ANKS1A: variants seen among roughly 807,000 people sequenced by gnomAD.
ANKS1A encodes the protein ankyrin repeat and SAM domain-containing protein 1A.
ANKS1A carries 55 observed loss-of-function variants against 120.3 expected under a neutral mutation model. That is an observed-to-expected ratio of 0.46 (90% confidence interval 0.37 to 0.57). ANKS1A has a LOEUF of 0.57. Among genes scored for constraint, ANKS1A ranks in the 20% least tolerant of loss-of-function variants. The pLI, the probability that ANKS1A is intolerant of heterozygous loss-of-function variation, is 0.00. For synonymous variants in ANKS1A, 590 were observed against 604.7 expected (o/e 0.98, Z 0.36); for missense variants, 1,123 against 1,480.3 (o/e 0.76, Z 3.96).
chr6:34,986,983 G>T (rs1772245425), intron 8 of ANKS1A, among the ~76,000 whole-genome samples: 1 of 152,258 alleles, frequency 6.6e-6, no homozygotes, highest in Non-Finnish European at 1.5e-5. Flanking sequence ...CAGGGTTACT[G>T]AAGAAAGCTG....
chr6:35,076,932 A>AT (rs2127603907), intron 13 of ANKS1A, among the ~76,000 whole-genome samples: 1 of 152,248 alleles, frequency 6.6e-6, no homozygotes, highest in South Asian at 2.1e-4. Context: ...GCCTGGCCAC[A>AT]ATAGTCCCTA....
chr6:34,966,610 G>A (rs192533531), intron 1 of ANKS1A, among the ~76,000 whole-genome samples: 2 of 152,296 alleles, frequency 1.3e-5, no homozygotes, highest in Admixed American at 1.3e-4. Flanking sequence ...AATGCAGTAA[G>A]GCCAATGCAG....
At chr6:35,078,917 G>T (rs1490277163) in intron 14 of ANKS1A, among the ~76,000 whole-genome samples, 1 of 152,218 alleles carries the variant, frequency 6.6e-6, no homozygotes, top group Non-Finnish European at 1.5e-5. Context: ...GGTTCTGGGG[G>T]TCTGCCTGGC....
chr6:35,076,113 C>T (rs1009745536), intron 13 of ANKS1A, among the ~76,000 whole-genome samples: 3 of 152,112 alleles, frequency 2.0e-5, no homozygotes, highest in East Asian at 3.9e-4. Context: ...CAGAAAAGAC[C>T]GACAACTTCA....
rs549612521 is a variant in ANKS1A, at chr6:34,917,122, C to T, written c.197+27523C>T. ...TCCTTTATTTGGTCCACCACTAATC[C>T]TATCCCAGCATCCTGTGTAGGCCTC... On this transcript the variant is annotated intron_variant, in intron 1 of 23. Transcript: ENST00000360359. 2.6e-5 allele frequency among the ~76,000 whole-genome samples: 4 copies of T among 152,326 alleles called. No individual in the cohort carries two copies. In the South Asian group the frequency reaches 8.3e-4, roughly 32 times the overall value.
intron 14 of ANKS1A, among the ~76,000 whole-genome samples, chr6:35,078,997 G>A (rs539017914): frequency 6.6e-6 from 1 of 152,278 alleles, no homozygotes; most frequent in East Asian, 1.9e-4. Context: ...TGGCTCACTG[G>A]AGCCCTGGCC....
chr6:35,040,644 T>C (rs1175559208), intron 11 of ANKS1A, among the ~76,000 whole-genome samples: 4 of 152,214 alleles, frequency 2.6e-5, no homozygotes, highest in Non-Finnish European at 4.4e-5. Flanking sequence ...AAGGCTCTTA[T>C]TGATCATTTC....
chr6:34,936,968 C>G (rs1769286115), intron 1 of ANKS1A, among the ~76,000 whole-genome samples: 1 of 152,140 alleles, frequency 6.6e-6, no homozygotes, highest in Admixed American at 6.6e-5. Context: ...TGTAGGTGGA[C>G]CTTGATCTCA....
intron 10 of ANKS1A, among the ~76,000 whole-genome samples, chr6:35,011,235 A>T (rs1048435310): frequency 1.3e-5 from 2 of 152,216 alleles, no homozygotes; most frequent in Non-Finnish European, 2.9e-5. Context: ...TTTCTTGAGT[A>T]TTTAAAAGGG....
intron 11 of ANKS1A, among the ~76,000 whole-genome samples, chr6:35,036,287 TACTC>T (rs777839780): frequency 5.3e-4 from 81 of 152,360 alleles, no homozygotes; most frequent in Middle Eastern, 3.4e-3. Flanking sequence ...TCTAGGATCT[TACTC>T]ACGTTTGACT....
At chr6:34,896,683 G>T (rs1286165981) in intron 1 of ANKS1A, among the ~76,000 whole-genome samples, 2 of 152,036 alleles carry the variant, frequency 1.3e-5, no homozygotes, top group African/African-American at 2.4e-5. Context: ...AAAAAAACTA[G>T]GCCAGGCGCA....
intron 2 of ANKS1A, 134 bp from the exon 3 acceptor site, chr6:34,969,876 T>G: frequency 1.0e-6 from 1 of 959,356 alleles, no homozygotes; most frequent in Non-Finnish European, 1.5e-6. Flanking sequence ...AAAGCTGGGG[T>G]GGTGAGCTCA....
chr6:34,912,765 C>T lies in ANKS1A; in HGVS notation c.197+23166C>T, dbSNP rs79586165. 7.4e-3 allele frequency among the ~76,000 whole-genome samples: 1,119 copies of T among 152,238 alleles called. 16 individuals carry two copies. The highest frequency in any genetic ancestry group is 0.023 in the African/African-American group (960 of 41,526). On this transcript the variant is annotated intron_variant, in intron 1 of 23. Coordinates refer to ENST00000360359, the MANE Select transcript of ANKS1A (RefSeq NM_015245.3). The stretch of plus-strand genomic sequence containing the variant: ...GATGGTCATTGAAAAGAAAATGATA[C>T]ATTTTGGATGGATTGAAAAGCGAAA...
intron 3 of ANKS1A, among the ~76,000 whole-genome samples, chr6:34,980,852 G>C (rs1771868012): frequency 1.3e-5 from 2 of 152,294 alleles, no homozygotes; most frequent in East Asian, 3.9e-4. Context: ...CCCAAATTCT[G>C]TCTTTAGTTT....
chr6:34,973,846 C>T (rs1318198666), intron 3 of ANKS1A, among the ~76,000 whole-genome samples: 3 of 106,664 alleles, frequency 2.8e-5, no homozygotes, highest in African/African-American at 4.4e-5. Context: ...CCCTTCCCTT[C>T]CCCTTCCCCT....
At chr6:34,906,177 G>A (rs1767637725) in intron 1 of ANKS1A, among the ~76,000 whole-genome samples, 1 of 152,156 alleles carries the variant, frequency 6.6e-6, no homozygotes, top group Non-Finnish European at 1.5e-5. Flanking sequence ...AGTGTTTTTA[G>A]CGTTTCCTGG....
rs149539885 is a variant in ANKS1A at position 35,017,636 on chromosome 6, C to T, written c.1587C>T (p.Asp529=). The T allele has an allele frequency of 1.1e-4, 170 of 1,613,714 alleles. No homozygotes were observed. The highest frequency in any genetic ancestry group is 3.1e-4 in the African/African-American group (23 of 75,026). Residue 529 remains aspartate (D), a synonymous_variant, in exon 11 of 24, where the codon GAC becomes GAT. Coordinates refer to ENST00000360359, the MANE Select transcript of ANKS1A (RefSeq NM_015245.3). ...GTACCGCTGGCCAGAGCCATCCAGACGGGTCCCCCCAGCAGGGCGCCTGCC... is the reference window on the plus strand; with the variant it reads ...GTACCGCTGGCCAGAGCCATCCAGATGGGTCCCCCCAGCAGGGCGCCTGCC... ...LLCTAGQSHP[D]GSPQQGACHK...
intron 1 of ANKS1A, among the ~76,000 whole-genome samples, chr6:34,940,768 C>T (rs866489676): frequency 6.6e-6 from 1 of 151,716 alleles, no homozygotes; most frequent in Non-Finnish European, 1.5e-5. Flanking sequence ...ATTAGCTGGG[C>T]GTGGTGGCGG....
At chr6:35,076,839 AG>A (rs1486822391) in intron 13 of ANKS1A, among the ~76,000 whole-genome samples, 1 of 152,096 alleles carries the variant, frequency 6.6e-6, no homozygotes, top group East Asian at 1.9e-4. Context: ...AATGCTGGCC[AG>A]GCTGATCTTG....
Sources: gnomAD v4.1 joint callset for allele counts (sites outside exome capture counted in the v4.1 genomes callset) on GRCh38, gnomAD v4.1.1 for gene constraint, MANE v1.5 for transcripts, NCBI Gene and HGNC (gene_info 2026-07-23, HGNC 2026-07-21) for gene names.